RELB: variants seen among roughly 807,000 people sequenced by gnomAD.
The protein encoded by RELB is RELB proto-oncogene, NF-kB subunit.
Under a neutral mutation model 55.4 loss-of-function variants are expected in RELB, and 14 were observed. The ratio of observed to expected loss-of-function variants is 0.25; its 90% CI spans 0.17 to 0.40. The LOEUF (loss-of-function observed/expected upper bound fraction) is 0.40, where lower values mean the gene tolerates loss of function less well. RELB is among the 10% of genes least tolerant of loss of function. The pLI, the probability that RELB is intolerant of heterozygous loss-of-function variation, is 1.00. For synonymous variants in RELB, 409 were observed against 371.3 expected (o/e 1.10, Z -1.17); for missense variants, 669 against 830.7 (o/e 0.81, Z 2.39).
intron 1 of RELB, among the ~76,000 whole-genome samples, chr19:45,002,703 A>G (rs1166286632): frequency 6.6e-6 from 1 of 152,086 alleles, no homozygotes; most frequent in Non-Finnish European, 1.5e-5. Flanking sequence ...TCCAGGCCCA[A>G]CTTTAAGGGA....
intron 4 of RELB, among the ~76,000 whole-genome samples, chr19:45,013,825 T>G (rs1971390397): frequency 6.6e-6 from 1 of 151,738 alleles, no homozygotes; most frequent in Non-Finnish European, 1.5e-5. Flanking sequence ...AGAGCAAAAC[T>G]CCTTCTAAAA....
rs369236650 is a variant in RELB, at chr19:45,025,387, C to A, written c.721C>A (p.Arg241=). 6.2e-7 allele frequency: 1 copy of A among 1,612,748 alleles called. No homozygotes were observed. Among genetic ancestry groups the A allele is most frequent in the Middle Eastern group, 1.7e-4 (1 of 6,060 alleles). The change falls in exon 6 of 12, where the codon CGG becomes AGG. Residue 241 remains arginine, a synonymous_variant. Transcript: ENST00000221452. ...GAAGGAGATTGAGGCTGCCATTGAGCGGAAGATTCAACTGGGCATTGACCC... is the reference window on the plus strand; with the variant it reads ...GAAGGAGATTGAGGCTGCCATTGAGAGGAAGATTCAACTGGGCATTGACCC... ...RKKEIEAAIE[R]KIQLGIDPYN...
At chr19:45,014,168 CTTT>C (rs113601074) in intron 4 of RELB, among the ~76,000 whole-genome samples, 178 of 126,756 alleles carry the variant, frequency 1.4e-3, no homozygotes, top group African/African-American at 4.7e-3. Flanking sequence ...ATTTCTAAGG[CTTT>C]TTTTTTTTTT....
At chr19:45,012,308 G>T in intron 4 of RELB, 32 bp downstream of exon 4, 1 of 1,329,470 alleles carries the variant, frequency 7.5e-7, no homozygotes, top group South Asian at 1.9e-5. Flanking sequence ...GGGCGGGTGG[G>T]ACTGGGGCTT....
intron 4 of RELB, among the ~76,000 whole-genome samples, chr19:45,013,696 G>A (rs905002231): frequency 1.3e-5 from 2 of 151,854 alleles, no homozygotes; most frequent in Non-Finnish European, 2.9e-5. Flanking sequence ...GTGCGGCGTG[G>A]TGGTGCATGC....
chr19:45,032,742 C>A lies in RELB; in HGVS notation c.1200C>A (p.Arg400=). Residue 400 remains arginine (R), a synonymous_variant, in exon 9 of 12, where the codon CGC becomes CGA. Coordinates refer to ENST00000221452, the MANE Select transcript of RELB (RefSeq NM_006509.4). ...CATTGCCTTTCACGTACCTGCCTCG[C>A]GACCATGGTAACTACAGCAACCCAG... The part of the protein sequence containing the change: ...SEPLPFTYLP[R]DHDSYGVDKK... 3 of 1,603,890 alleles carry A rather than the reference C, an allele frequency of 1.9e-6. No individual in the cohort carries two copies. The highest frequency in any genetic ancestry group is 8.5e-7 in the Non-Finnish European group (1 of 1,175,196).
intron 3 of RELB, among the ~76,000 whole-genome samples, chr19:45,011,372 C>A (rs1971348327): frequency 6.6e-6 from 1 of 150,940 alleles, no homozygotes; most frequent in South Asian, 2.1e-4. Flanking sequence ...CTGTGTTAGC[C>A]AGGATGGTCT....
At chr19:45,025,303 C>A in intron 5 of RELB, 26 bp from the exon 6 acceptor site, 1 of 1,561,352 alleles carries the variant, frequency 6.4e-7, no homozygotes, top group Non-Finnish European at 8.8e-7. Flanking sequence ...ACGAGCACTC[C>A]TCTCCCTCCC....
chr19:45,005,880 A>G (rs1971276184), intron 2 of RELB, among the ~76,000 whole-genome samples: 1 of 152,220 alleles, frequency 6.6e-6, no homozygotes, highest in Non-Finnish European at 1.5e-5. Flanking sequence ...CTAGGATTAC[A>G]GGCATGAGCC....
At chr19:45,017,460 A>G (rs963669056) in intron 4 of RELB, among the ~76,000 whole-genome samples, 2 of 151,302 alleles carry the variant, frequency 1.3e-5, no homozygotes, top group Non-Finnish European at 2.9e-5. Flanking sequence ...AAAAAAAAAA[A>G]AAACAATTCT....
intron 8 of RELB, among the ~76,000 whole-genome samples, chr19:45,029,969 A>G (rs1971601382): frequency 6.6e-6 from 1 of 152,022 alleles, no homozygotes; most frequent in African/African-American, 2.4e-5. Flanking sequence ...GGAGTTCGAG[A>G]CCAGCCTGGG....
Position 45,022,043 on chromosome 19 carries a change from C to T in RELB, c.505-10C>T. 1 of 1,603,264 alleles carries T rather than the reference C, an allele frequency of 6.2e-7. No homozygotes were observed. Among genetic ancestry groups the T allele is most frequent in the Non-Finnish European group, 8.5e-7 (1 of 1,174,128 alleles). ...GATGGGACCCCCAAAGAGGACTTCT[C>T]TTCCTGCAGCTCCGGGATTGTGGAG... On this transcript the variant is annotated splice_polypyrimidine_tract_variant and intron_variant, in intron 4 of 11. Coordinates refer to ENST00000221452, the MANE Select transcript of RELB (RefSeq NM_006509.4).
intron 4 of RELB, among the ~76,000 whole-genome samples, chr19:45,014,149 C>A (rs1428857476): frequency 6.7e-6 from 1 of 150,080 alleles, no homozygotes; most frequent in Non-Finnish European, 1.5e-5. Flanking sequence ...CTGTATTCCC[C>A]AACTTCTAAT....
At position 45,017,453 on chromosome 19, in the gene RELB, A is replaced by AAAAAAAAAAACAAAAAAAAACAAAAC. The variant is rs1365801470; in HGVS notation, c.505-4587_505-4586insAAAAAAACAAAACAAAAAAAAAACAA. 1.6e-3 allele frequency among the ~76,000 whole-genome samples: 245 copies of AAAAAAAAAAACAAAAAAAAACAAAAC among 151,208 alleles called. 6 individuals carry two copies. The highest frequency in any genetic ancestry group is 5.5e-3 in the African/African-American group (227 of 41,070). ...GGGCAACAGAGAGAATCTGTCTAAA[A>AAAAAAAAAAACAAAAAAAAACAAAAC]AAAAAAAAAACAATTCTGGAAATCC... is the stretch of plus-strand genomic sequence containing the variant. On this transcript the variant is annotated intron_variant, in intron 4 of 11. Coordinates refer to ENST00000221452, the MANE Select transcript of RELB (RefSeq NM_006509.4).
In RELB at chr19:45,037,751, T is replaced by G. The variant is rs776022035; in HGVS notation, c.1701T>G (p.Phe567Leu). 1 of 1,487,672 alleles carries G rather than the reference T, an allele frequency of 6.7e-7. No homozygotes were observed. Among genetic ancestry groups the G allele is most frequent in the Non-Finnish European group, 8.9e-7 (1 of 1,121,584 alleles). The allele number at this position is 1,487,672 out of a possible 1,614,324, so 92.2% of individuals were successfully genotyped here. ...MFPNHYREAA[F>L]GGGLLSPGPE... ...CCAATCATTACCGCGAGGCGGCCTT[T>G]GGGGGCGGCCTCCTATCCCCGGGGC... The change falls in exon 12 of 12, where the codon TTT becomes TTG. Residue 567 changes from phenylalanine to leucine, a missense_variant. Physicochemically the swap from Phe to Leu is conservative, Grantham distance 22. Coordinates refer to ENST00000221452, the MANE Select transcript of RELB (RefSeq NM_006509.4).
intron 5 of RELB, among the ~76,000 whole-genome samples, chr19:45,023,894 G>A: frequency 6.6e-6 from 1 of 151,170 alleles, no homozygotes; most frequent in East Asian, 1.9e-4. Flanking sequence ...GGGATTACAG[G>A]CGCCAGCCAC....
At chr19:45,018,699 A>G (rs1971449697) in intron 4 of RELB, among the ~76,000 whole-genome samples, 2 of 150,786 alleles carry the variant, frequency 1.3e-5, no homozygotes, top group Non-Finnish European at 3.0e-5. Flanking sequence ...TTTTTGAGAC[A>G]GAGTTTCGCT....
At chr19:45,030,407 G>A (rs769204957) in intron 8 of RELB, among the ~76,000 whole-genome samples, 2 of 152,072 alleles carry the variant, frequency 1.3e-5, no homozygotes, top group Non-Finnish European at 2.9e-5. Context: ...CAAGGTGGGC[G>A]AATCACTTAT....
intron 2 of RELB, among the ~76,000 whole-genome samples, chr19:45,007,254 G>C (rs1029204812): frequency 1.3e-5 from 2 of 152,106 alleles, no homozygotes; most frequent in African/African-American, 4.8e-5. Context: ...ATGGTGGCAA[G>C]TCCACGTTGG....
Sources: allele counts gnomAD v4.1 joint callset (sites outside exome capture counted in the v4.1 genomes callset), GRCh38; gene constraint gnomAD v4.1.1; transcripts MANE v1.5; gene names NCBI Gene and HGNC (gene_info 2026-07-23, HGNC 2026-07-21).